Variants in TG observed in about 807,000 individuals in gnomAD.
The protein encoded by TG is thyroid hormones.
A neutral mutation model predicts 324.7 loss-of-function variants in TG; 270 were observed. That is an observed-to-expected ratio of 0.83 (90% CI 0.75 to 0.92). TG has a LOEUF of 0.92. TG is among the 40% of genes least tolerant of loss of function. TG has a pLI of 0.00. For missense variants in TG, 3,591 were observed against 3,456.4 expected (o/e 1.04, Z -0.98); for synonymous variants, 1,401 against 1,327.0 (o/e 1.06, Z -1.21).
chr8:132,900,408 AG>A (rs2132280287), intron 15 of TG, 69 bp downstream of exon 15: 1 of 1,452,858 alleles, frequency 6.9e-7, no homozygotes, highest in African/African-American at 1.4e-5. Context: ...GAGTCCAAAG[AG>A]CTGGCTTCGT....
rs373999563 is a variant in TG, at chr8:132,929,208, G to C, written c.4816+16G>C. ...TGCTTGACAGGTGAGGAGTGGTGGG[G>C]AGATATGCACTCAGAAGAAGGTGTG... On this transcript the variant is annotated intron_variant, in intron 23 of 47. Transcript: ENST00000220616. 5.0e-6 allele frequency: 8 copies of C among 1,586,960 alleles called. No homozygotes were observed. In the African/African-American group the frequency reaches 1.1e-4, roughly 21 times the overall value.
chr8:132,911,008 A>G (rs978977190), intron 18 of TG, among the ~76,000 whole-genome samples: 9 of 152,198 alleles, frequency 5.9e-5, no homozygotes, highest in African/African-American at 2.2e-4. Flanking sequence ...GCCAACATTG[A>G]GGAGCTGGTG....
At chr8:132,991,115 T>C (rs1832277281) in intron 35 of TG, among the ~76,000 whole-genome samples, 1 of 151,686 alleles carries the variant, frequency 6.6e-6, no homozygotes, top group Non-Finnish European at 1.5e-5. Flanking sequence ...CTCATTACCA[T>C]GAGCTGCCCT....
intron 35 of TG, among the ~76,000 whole-genome samples, chr8:132,999,678 C>G (rs1344263242): frequency 1.3e-5 from 2 of 152,144 alleles, no homozygotes; most frequent in Non-Finnish European, 2.9e-5. Context: ...TAAAGGGGTG[C>G]AAACAATAGA....
At chr8:133,026,384 T>G (rs963613134) in intron 40 of TG, among the ~76,000 whole-genome samples, 2 of 151,962 alleles carry the variant, frequency 1.3e-5, no homozygotes, top group African/African-American at 4.8e-5. Context: ...CCCAGCCCAG[T>G]GTTTAAAAGG....
intron 41 of TG, among the ~76,000 whole-genome samples, chr8:133,030,420 G>A (rs545290797): frequency 3.2e-4 from 48 of 152,160 alleles, no homozygotes; most frequent in Non-Finnish European, 6.0e-4. Flanking sequence ...TGATGAGGAG[G>A]AGGATGATGG....
intron 41 of TG, among the ~76,000 whole-genome samples, chr8:133,089,071 C>T (rs1327726047): frequency 2.6e-5 from 4 of 152,188 alleles, no homozygotes; most frequent in Non-Finnish European, 5.9e-5. Context: ...GGGTGAGTTC[C>T]CAGGAGAGGT....
At chr8:132,980,445 G>A (rs368242966) in intron 34 of TG, among the ~76,000 whole-genome samples, 5 of 151,866 alleles carry the variant, frequency 3.3e-5, no homozygotes, top group South Asian at 4.2e-4. Flanking sequence ...CCTAAACAGG[G>A]TGTGGAGGCT....
At position 132,923,397 on chromosome 8, in the gene TG, C is replaced by T. The variant is rs121912646; in HGVS notation, c.4588C>T (p.Arg1530Ter). 214 of 1,613,922 alleles carry T rather than the reference C, an allele frequency of 1.3e-4. No homozygotes were observed. Among genetic ancestry groups the T allele is most frequent in the Non-Finnish European group, 1.7e-4 (200 of 1,180,016 alleles). Residue 1530 changes from arginine (R) to a stop codon, truncating the protein, a stop_gained, in exon 22 of 48, where the codon CGA becomes TGA. Transcript: ENST00000220616. LOFTEE classifies it high-confidence loss of function. ...GLQCDQNGQY[R>*]ASQKDRGSGK... ...GCAATGTGACCAGAATGGCCAGTAT[C>T]GAGCCAGCCAGAAGGACAGGGGCAG...
At chr8:132,872,614 C>T (rs967661106) in intron 4 of TG, among the ~76,000 whole-genome samples, 21 of 152,054 alleles carry the variant, frequency 1.4e-4, no homozygotes, top group Non-Finnish European at 1.5e-5. Context: ...ACATGAATGT[C>T]CTTGGCTTTC....
At chr8:132,921,186 T>A (rs1451135139) in intron 21 of TG, among the ~76,000 whole-genome samples, 1 of 152,212 alleles carries the variant, frequency 6.6e-6, no homozygotes, top group Admixed American at 6.5e-5. Flanking sequence ...ACCATCACAC[T>A]GGGGATTAGA....
chr8:132,940,038 T>C (rs991543746), intron 25 of TG, among the ~76,000 whole-genome samples: 12 of 152,156 alleles, frequency 7.9e-5, no homozygotes, highest in Non-Finnish European at 1.5e-4. Context: ...ATCCTCATTG[T>C]ACAGATGGGA....
chr8:133,018,107 G>T (rs1654250792), intron 38 of TG, 110 bp downstream of exon 38: 1 of 1,031,864 alleles, frequency 9.7e-7, no homozygotes. Context: ...ATAAAGCAAT[G>T]TATGGAGGAT....
intron 41 of TG, chr8:133,072,901 G>A (rs998785177): frequency 2.6e-5 from 4 of 152,124 alleles, no homozygotes; most frequent in Non-Finnish European, 5.9e-5. Context: ...ATGGAGGAGT[G>A]CCCCACTCAT....
intron 27 of TG, 137 bp downstream of exon 27, chr8:132,949,080 C>A: frequency 1.2e-6 from 1 of 807,636 alleles, no homozygotes; most frequent in Non-Finnish European, 2.0e-6. Context: ...CTTTACCAAT[C>A]ATACTGGATG....
chr8:132,937,486 A>G (rs1266867191), intron 25 of TG, among the ~76,000 whole-genome samples: 1 of 151,674 alleles, frequency 6.6e-6, no homozygotes, highest in East Asian at 1.9e-4. Flanking sequence ...TCTCTAATCT[A>G]TGACCAGGGT....
chr8:132,901,387 C>G lies in TG; in HGVS notation c.3468C>G (p.Val1156=). ...TCTGCAATGTGCTCAAGAGTGGAGT[C>G]CTCTCCAGGAGAGTCAGCCCAGGCT... The part of the protein sequence containing the change: ...PSLCNVLKSG[V]LSRRVSPGYV... Residue 1156 remains valine, a synonymous_variant, in exon 16 of 48, where the codon GTC becomes GTG. Coordinates refer to ENST00000220616, the MANE Select transcript of TG (RefSeq NM_003235.5). 6.2e-7 allele frequency: 1 copy of G among 1,614,194 alleles called. No homozygotes were observed. The highest frequency in any genetic ancestry group is 8.5e-7 in the Non-Finnish European group (1 of 1,180,044).
In TG at chr8:132,969,717, C is replaced by T. The variant is rs1319117861; in HGVS notation, c.5975+148C>T. On this transcript the variant is annotated intron_variant, in intron 32 of 47. Transcript: ENST00000220616. The stretch of plus-strand genomic sequence containing the variant: ...CACGAGGTCAAGAGATCAAGACTAT[C>T]CTGACCAACATGGTGAAGCCCCGTC... 6.1e-6 allele frequency: 4 copies of T among 660,570 alleles called. No individual in the cohort carries two copies. In the East Asian group the frequency reaches 8.3e-5, roughly 14 times the overall value. The allele number at this position is 660,570 out of a possible 1,614,324, so 40.9% of individuals were successfully genotyped here.
At chr8:133,077,074 G>A (rs959389549) in intron 41 of TG, among the ~76,000 whole-genome samples, 1 of 152,190 alleles carries the variant, frequency 6.6e-6, no homozygotes, top group African/African-American at 2.4e-5. Flanking sequence ...CCAGTCGTGG[G>A]GTGGATGGGC....
Sources: allele counts gnomAD v4.1 joint callset (sites outside exome capture counted in the v4.1 genomes callset), GRCh38; gene constraint gnomAD v4.1.1; transcripts MANE v1.5; gene names NCBI Gene and HGNC (gene_info 2026-07-23, HGNC 2026-07-21).